RELN: variants seen among roughly 807,000 people sequenced by gnomAD.
The protein encoded by RELN is reelin.
A neutral mutation model predicts 427.6 loss-of-function variants in RELN; 108 were observed. That is an observed-to-expected ratio of 0.25 (90% CI 0.22 to 0.30). RELN has a LOEUF of 0.30. Among genes scored for constraint, RELN ranks in the 10% least tolerant of loss-of-function variants. The pLI is 1.00. For missense variants in RELN, 3,715 were observed against 4,302.8 expected, an observed-to-expected ratio of 0.86 and a Z score of 3.82; for synonymous variants, 1,524 against 1,513.4, an observed-to-expected ratio of 1.01 and a Z score of -0.16.
At chr7:103,871,449 C>T (rs1794331675) in intron 2 of RELN, among the ~76,000 whole-genome samples, 1 of 152,006 alleles carries the variant, frequency 6.6e-6, no homozygotes, top group South Asian at 2.1e-4. Context: ...ATCACAAAAT[C>T]TTTAACTACC....
At chr7:103,546,929 AT>A (rs1830309632) in intron 41 of RELN, among the ~76,000 whole-genome samples, 1 of 152,254 alleles carries the variant, frequency 6.6e-6, no homozygotes, top group Non-Finnish European at 1.5e-5. Flanking sequence ...TAAGTCAAAA[AT>A]AATTTTCCTT....
intron 2 of RELN, among the ~76,000 whole-genome samples, chr7:103,850,322 C>T (rs1793792060): frequency 1.3e-5 from 2 of 152,286 alleles, no homozygotes; most frequent in South Asian, 4.1e-4. Context: ...TAACATAGGC[C>T]CCCATTGGAG....
chr7:103,653,347 G>A (rs1832962124), intron 13 of RELN, among the ~76,000 whole-genome samples: 3 of 151,996 alleles, frequency 2.0e-5, no homozygotes, highest in Admixed American at 2.0e-4. Flanking sequence ...CCTTGCATGT[G>A]GAATGTGCTG....
intron 57 of RELN, among the ~76,000 whole-genome samples, chr7:103,492,923 C>T (rs1828717670): frequency 6.6e-6 from 1 of 152,054 alleles, no homozygotes. Flanking sequence ...ATCAAGAGCA[C>T]AGTATATAGC....
intron 25 of RELN, among the ~76,000 whole-genome samples, chr7:103,595,364 G>A (rs1482900824): frequency 2.0e-5 from 3 of 151,946 alleles, no homozygotes; most frequent in African/African-American, 7.3e-5. Flanking sequence ...GATATCTCTC[G>A]TTTCATCCAG....
chr7:103,746,641 C>T (rs943863872), intron 6 of RELN, among the ~76,000 whole-genome samples: 1 of 152,154 alleles, frequency 6.6e-6, no homozygotes, highest in Non-Finnish European at 1.5e-5. Context: ...GACATTTATG[C>T]AGCCAACAGA....
chr7:103,960,003 T>TA (rs1383210222), intron 1 of RELN, among the ~76,000 whole-genome samples: 4 of 152,156 alleles, frequency 2.6e-5, no homozygotes, highest in Non-Finnish European at 5.9e-5. Context: ...AAAAGCCTCC[T>TA]AACGGGTCTT....
intron 2 of RELN, among the ~76,000 whole-genome samples, chr7:103,857,617 A>G (rs1563054458): frequency 1.3e-5 from 2 of 152,168 alleles, no homozygotes; most frequent in East Asian, 3.9e-4. Flanking sequence ...CTGCCTGCAT[A>G]TGGTGAGTAT....
intron 22 of RELN, among the ~76,000 whole-genome samples, chr7:103,609,220 C>T (rs1443105136): frequency 3.3e-5 from 2 of 60,884 alleles, no homozygotes; most frequent in African/African-American, 2.1e-4. Flanking sequence ...AAGACTCTGT[C>T]TCAAAAAAAA....
chr7:103,643,624 T>C (rs1314897666), intron 16 of RELN, among the ~76,000 whole-genome samples: 1 of 151,548 alleles, frequency 6.6e-6, no homozygotes, highest in Non-Finnish European at 1.5e-5. Context: ...CTTAAAGTAT[T>C]AAAAAAAAGA....
chr7:103,766,421 A>C (rs751212543), intron 4 of RELN, among the ~76,000 whole-genome samples: 3 of 152,216 alleles, frequency 2.0e-5, no homozygotes, highest in African/African-American at 4.8e-5. Context: ...TGAATTAATA[A>C]AGACTTTGCA....
intron 24 of RELN, among the ~76,000 whole-genome samples, chr7:103,602,995 C>A (rs772936631): frequency 2.0e-5 from 3 of 152,058 alleles, no homozygotes; most frequent in African/African-American, 4.8e-5. Context: ...GCCTTCCCTA[C>A]GCAAACTTCC....
At chr7:103,656,444 G>T (rs1447527640) in intron 12 of RELN, among the ~76,000 whole-genome samples, 3 of 150,360 alleles carry the variant, frequency 2.0e-5, no homozygotes, top group Non-Finnish European at 4.4e-5. Context: ...TGTTACTAGA[G>T]TTTCTAGCTG....
chr7:103,486,551 T>G, intron 60 of RELN, 135 bp from the exon 61 acceptor site: 1 of 643,850 alleles, frequency 1.6e-6, no homozygotes, highest in Non-Finnish European at 2.6e-6. Context: ...TAAACAACTT[T>G]ACAAAAAAAA....
At chr7:103,979,802 A>T (rs558804170) in intron 1 of RELN, among the ~76,000 whole-genome samples, 6 of 152,348 alleles carry the variant, frequency 3.9e-5, no homozygotes, top group African/African-American at 1.4e-4. Flanking sequence ...TACATTTTTC[A>T]ATTCTCTTAT....
chr7:103,989,228 G>A lies in RELN; in HGVS notation c.129C>T (p.His43=), dbSNP rs1448244496. ...GCTCCCCATCCCCTTCCAGCTCCCC[G>A]TGGTGGGTGCACAGGAAAAAGAAGG... ...FSPFFFLCTH[H]GELEGDGEQG... Residue 43 remains histidine (H), a synonymous_variant, in exon 1 of 65, where the codon CAC becomes CAT. Transcript: ENST00000428762. The surrounding 1 kb of genome is among the most constrained non-coding windows in gnomAD (Gnocchi z 4.9). 1.2e-6 allele frequency: 2 copies of A among 1,614,070 alleles called. No individual in the cohort carries two copies. Among genetic ancestry groups the A allele is most frequent in the Non-Finnish European group, 1.7e-6 (2 of 1,179,988 alleles).
intron 60 of RELN, among the ~76,000 whole-genome samples, chr7:103,487,412 AGAG>A (rs751218870): frequency 2.0e-5 from 3 of 150,124 alleles, no homozygotes; most frequent in African/African-American, 7.5e-5. Context: ...AAAAAAAAAA[AGAG>A]AAATATAACA....
chr7:103,517,887 G>A (rs1374669408), intron 49 of RELN, among the ~76,000 whole-genome samples: 4 of 152,212 alleles, frequency 2.6e-5, no homozygotes, highest in African/African-American at 9.6e-5. Context: ...GCATCTGGGT[G>A]TGGCTATGTG....
chr7:103,699,872 A>G (rs1040322600), intron 9 of RELN, among the ~76,000 whole-genome samples: 17 of 152,146 alleles, frequency 1.1e-4, no homozygotes, highest in Non-Finnish European at 2.5e-4. Context: ...GAGACAATCT[A>G]TTAAAATCCA....
Sources: gnomAD v4.1 joint callset for allele counts (sites outside exome capture counted in the v4.1 genomes callset) on GRCh38, gnomAD v4.1.1 for gene constraint, Gnocchi (gnomAD v3.1) non-coding constraint, MANE v1.5 for transcripts, NCBI Gene and HGNC (gene_info 2026-07-23, HGNC 2026-07-21) for gene names.